SMARCA5: variants seen among roughly 807,000 people sequenced by gnomAD.
The protein encoded by SMARCA5 is SNF2 related chromatin remodeling ATPase 5, also known as SWI/SNF-related matrix-associated actin-dependent regulator of chromatin subfamily A member 5.
In SMARCA5, 18 loss-of-function variants were observed where a neutral mutation model predicts 140.4. The ratio of observed to expected loss-of-function variants is 0.13; its 90% confidence interval spans 0.09 to 0.19. The LOEUF is 0.19. SMARCA5 is among the 10% of genes least tolerant of loss of function. SMARCA5 has a pLI of 1.00. For missense variants in SMARCA5, 606 were observed against 1,276.8 expected (o/e 0.47, Z 8.01); for synonymous variants, 449 against 419.6 (o/e 1.07, Z -0.86).
intron 2 of SMARCA5, among the ~76,000 whole-genome samples, chr4:143,519,551 T>C (rs1487394216): frequency 6.6e-6 from 1 of 152,118 alleles, no homozygotes; most frequent in Non-Finnish European, 1.5e-5. Flanking sequence ...TTATTGGAAC[T>C]CTTTTCGTTT....
At chr4:143,528,145 G>C in intron 7 of SMARCA5, 122 bp downstream of exon 7, 2 of 686,430 alleles carry the variant, frequency 2.9e-6, no homozygotes, top group Middle Eastern at 4.2e-4. Flanking sequence ...TGTTAACATA[G>C]GTATGCATGT....
At chr4:143,525,400 C>A (rs1391641087) in intron 4 of SMARCA5, 51 bp from the exon 5 acceptor site, 2 of 1,071,254 alleles carry the variant, frequency 1.9e-6, no homozygotes, top group Non-Finnish European at 2.9e-6. Flanking sequence ...GAAGAGATTG[C>A]CTTGTATTTC....
chr4:143,527,784 T>C, intron 6 of SMARCA5, 84 bp from the exon 7 acceptor site: 1 of 1,199,452 alleles, frequency 8.3e-7, no homozygotes, highest in Non-Finnish European at 1.2e-6. Flanking sequence ...CCCACCTCTT[T>C]TTATATACTA....
intron 23 of SMARCA5, among the ~76,000 whole-genome samples, chr4:143,552,494 C>T (rs912861488): frequency 2.6e-5 from 4 of 151,936 alleles, no homozygotes; most frequent in Non-Finnish European, 5.9e-5. Context: ...ATATGGTAGT[C>T]CTTAATATGG....
chr4:143,549,010 C>T (rs1043004857), intron 22 of SMARCA5, among the ~76,000 whole-genome samples: 1 of 151,934 alleles, frequency 6.6e-6, no homozygotes, highest in African/African-American at 2.4e-5. Flanking sequence ...GAAGATAAAA[C>T]ACTGTATAAA....
In SMARCA5 at chr4:143,546,853, A is replaced by T. The variant is rs748920760; in HGVS notation, c.2598A>T (p.Glu866Asp). Residue 866 changes from glutamate (E) to aspartate (D), a missense_variant, in exon 20 of 24, where the codon GAA (glutamate) becomes GAT (aspartate). Glu to Asp is a conservative substitution (Grantham distance 45). Coordinates refer to ENST00000283131, the MANE Select transcript of SMARCA5 (RefSeq NM_003601.4). ...AGAAGTGGGGTCGTGATGATATTGA[A>T]AATATAGCAAGAGAAGTAGAAGGCA... is the stretch of plus-strand genomic sequence containing the variant. The part of the protein sequence containing the change: ...ANEKWGRDDI[E>D]NIAREVEGKT... The T allele has an allele frequency of 6.8e-6, 11 of 1,612,524 alleles. No homozygotes were observed. Among genetic ancestry groups the T allele is most frequent in the Non-Finnish European group, 9.3e-6 (11 of 1,178,962 alleles).
At chr4:143,546,986 G>T in intron 20 of SMARCA5, 78 bp downstream of exon 20, 2 of 1,373,406 alleles carry the variant, frequency 1.5e-6, no homozygotes, top group Non-Finnish European at 1.0e-6. Context: ...GAATTATGTT[G>T]TGATTAGCTA....
intron 5 of SMARCA5, among the ~76,000 whole-genome samples, chr4:143,525,989 G>A (rs890161755): frequency 2.0e-5 from 3 of 152,166 alleles, no homozygotes; most frequent in Admixed American, 6.5e-5. Context: ...TTAATTGGTT[G>A]GAGAAAGTAT....
intron 7 of SMARCA5, 56 bp downstream of exon 7, chr4:143,528,079 G>A (rs1415880936): frequency 1.4e-6 from 2 of 1,381,624 alleles, no homozygotes; most frequent in Admixed American, 2.7e-5. Context: ...TTAAAGTACA[G>A]ATTTTTTTTT....
intron 2 of SMARCA5, 117 bp downstream of exon 2, chr4:143,517,546 T>G: frequency 1.7e-6 from 1 of 592,708 alleles, no homozygotes; most frequent in Non-Finnish European, 2.8e-6. Context: ...GACTGGGTAA[T>G]TTATAAAGAA....
chr4:143,547,033 T>G (rs974082826), intron 20 of SMARCA5, 125 bp downstream of exon 20: 2 of 854,634 alleles, frequency 2.3e-6, no homozygotes, highest in Admixed American at 3.1e-5. Flanking sequence ...TCTTCATTAT[T>G]TTTTACAAAT....
chr4:143,546,077 T>C lies in SMARCA5; in HGVS notation c.2520+30T>C, dbSNP rs956723915. 2.0e-6 allele frequency: 3 copies of C among 1,533,014 alleles called. No homozygotes were observed. The African/African-American group carries it at 4.2e-5, about 22-fold the overall frequency. The allele number at this position is 1,533,014 out of a possible 1,614,324, so 95.0% of individuals were successfully genotyped here. A position where few individuals can be genotyped will look rare whatever the true frequency, so the allele number is the denominator to read the frequency against. On this transcript the variant is annotated intron_variant, in intron 19 of 23. Transcript: ENST00000283131. ...AGCCTTTAATCAGTACAAACTTTAGTAACAGTTTGTTGTAAAGGACTGTGT... is the reference window on the plus strand; with the variant it reads ...AGCCTTTAATCAGTACAAACTTTAGCAACAGTTTGTTGTAAAGGACTGTGT...
intron 1 of SMARCA5, among the ~76,000 whole-genome samples, chr4:143,516,255 G>A (rs1292984326): frequency 7.2e-6 from 1 of 138,748 alleles, no homozygotes; most frequent in Admixed American, 7.4e-5. Context: ...CCCAGAAATA[G>A]CCTTCCTATG....
At chr4:143,514,259 C>G (rs1436189809) in intron 1 of SMARCA5, 158 bp downstream of exon 1, 3 of 671,162 alleles carry the variant, frequency 4.5e-6, no homozygotes, top group East Asian at 6.1e-5. Flanking sequence ...CACTCTTGCT[C>G]CCTTGTTCTT....
At chr4:143,516,743 G>A (rs1158052751) in intron 1 of SMARCA5, among the ~76,000 whole-genome samples, 1 of 152,038 alleles carries the variant, frequency 6.6e-6, no homozygotes, top group African/African-American at 2.4e-5. Context: ...TTTTTTTAAT[G>A]GATGAATAGA....
chr4:143,544,096 C>A, intron 16 of SMARCA5, 124 bp downstream of exon 16: 1 of 556,098 alleles, frequency 1.8e-6, no homozygotes, highest in Non-Finnish European at 2.9e-6. Context: ...TTATTCACAT[C>A]TGAATATTTT....
intron 1 of SMARCA5, among the ~76,000 whole-genome samples, chr4:143,515,394 T>C (rs1008407330): frequency 3.9e-5 from 6 of 152,162 alleles, no homozygotes; most frequent in African/African-American, 9.7e-5. Flanking sequence ...TGCTTTTTTT[T>C]CCTTAAGGAA....
intron 14 of SMARCA5, 89 bp downstream of exon 14, chr4:143,540,584 A>C: frequency 8.1e-7 from 1 of 1,232,060 alleles, no homozygotes; most frequent in South Asian, 1.5e-5. Context: ...CTTGTTACTA[A>C]GCATCCATTG....
intron 2 of SMARCA5, among the ~76,000 whole-genome samples, chr4:143,519,026 T>C (rs556745496): frequency 6.6e-6 from 1 of 152,290 alleles, no homozygotes; most frequent in South Asian, 2.1e-4. Flanking sequence ...TTTATTCCTT[T>C]GTCCTTCCTT....
Sources: gnomAD v4.1 joint callset for allele counts (sites outside exome capture counted in the v4.1 genomes callset) on GRCh38, gnomAD v4.1.1 for gene constraint, MANE v1.5 for transcripts, NCBI Gene and HGNC (gene_info 2026-07-23, HGNC 2026-07-21) for gene names.